The following ANXA6 variants were observed in gnomAD, a reference collection of about 807,000 sequenced individuals.
ANXA6 encodes the protein annexin A6.
A neutral mutation model predicts 95.4 loss-of-function variants in ANXA6; 71 were observed. The ratio of observed to expected loss-of-function variants is 0.74; its 90% CI spans 0.61 to 0.91. The LOEUF (loss-of-function observed/expected upper bound fraction) is 0.91. ANXA6 is among the 40% of genes least tolerant of loss of function. The pLI, the probability that ANXA6 is intolerant of heterozygous loss-of-function variation, is 0.00. For synonymous variants in ANXA6, 289 were observed against 315.9 expected, an observed-to-expected ratio of 0.91 and a Z score of 0.90; for missense variants, 830 against 876.4, an observed-to-expected ratio of 0.95 and a Z score of 0.67.
At chr5:151,113,253 T>G (rs1368119972) in intron 20 of ANXA6, among the ~76,000 whole-genome samples, 1 of 151,942 alleles carries the variant, frequency 6.6e-6, no homozygotes, top group East Asian at 1.9e-4. Flanking sequence ...ATACAAAAAA[T>G]TAGCCGGGTG....
rs372417182 is a variant in ANXA6 at position 151,122,177 on chromosome 5, G to A, written c.1317C>T (p.Tyr439=). ...ILGLMMPPAH[Y]DAKQLKKAME... is the part of the protein sequence containing the mutation. ...TGGCCTTCTTCAACTGCTTGGCATC[G>A]TAATGGGCCGGTGGCATCATGAGCC... is the stretch of plus-strand genomic sequence containing the variant. Residue 439 remains tyrosine, a synonymous_variant, in exon 17 of 26, where the codon TAC becomes TAT. Transcript: ENST00000354546. 1.6e-4 allele frequency: 254 copies of A among 1,598,600 alleles called. No homozygotes were observed. The highest frequency in any genetic ancestry group is 2.0e-4 in the Non-Finnish European group (232 of 1,174,804).
At chr5:151,101,680 G>A (rs894722997) in intron 25 of ANXA6, among the ~76,000 whole-genome samples, 173 bp from the exon 26 acceptor site, 2 of 152,144 alleles carry the variant, frequency 1.3e-5, no homozygotes, top group Admixed American at 6.5e-5. Context: ...ATGTGACCAC[G>A]TCCCTTTTGT....
chr5:151,153,829 G>A (rs532552803), intron 1 of ANXA6, among the ~76,000 whole-genome samples: 19 of 152,100 alleles, frequency 1.2e-4, no homozygotes, highest in Admixed American at 1.2e-3. Flanking sequence ...TTATAACATC[G>A]GCCTGGTGTG....
intron 23 of ANXA6, 24 bp from the exon 24 acceptor site, chr5:151,105,327 C>A (rs962435952): frequency 1.1e-5 from 17 of 1,612,514 alleles, no homozygotes; most frequent in Non-Finnish European, 1.4e-5. Context: ...CAGAGAGATG[C>A]GGGGAACGTG....
At chr5:151,156,337 A>G (rs1415683497) in intron 1 of ANXA6, among the ~76,000 whole-genome samples, 1 of 152,224 alleles carries the variant, frequency 6.6e-6, no homozygotes, top group Non-Finnish European at 1.5e-5. Flanking sequence ...GGCTTGCTCA[A>G]GAAGTCCCAG....
rs117198483 is a variant in ANXA6 at position 151,139,037 on chromosome 5, C to T, written c.205-246G>A. 28 of 594,932 alleles carry T rather than the reference C, an allele frequency of 4.7e-5. 1 individual carries two copies. The East Asian group carries it at 6.9e-4, about 15-fold the overall frequency. The allele number at this position is 594,932 out of a possible 1,614,324, so 36.9% of individuals were successfully genotyped here. A position where few individuals can be genotyped will look rare whatever the true frequency, so the allele number is the denominator to read the frequency against. ...GGGTCAGGTCCACAGCCCTGTGCCA[C>T]TTCCCCACCACTGTCTGTTTCCTCG... is the stretch of plus-strand genomic sequence containing the variant. On this transcript the variant is annotated intron_variant, in intron 4 of 25. Transcript: ENST00000354546.
chr5:151,122,264 C>A lies in ANXA6; in HGVS notation c.1234-4G>T. On this transcript the variant is annotated splice_polypyrimidine_tract_variant and splice_region_variant and intron_variant, in intron 16 of 25. Transcript: ENST00000354546. ...ACTTCAGGTCAGTCATTAAGTCCTG[C>A]AAAGGGCAGAGCCACAGTCATGCCA... The A allele has an allele frequency of 6.3e-7, 1 of 1,582,830 alleles. No homozygotes were observed. Among genetic ancestry groups the A allele is most frequent in the Non-Finnish European group, 8.6e-7 (1 of 1,158,526 alleles).
At chr5:151,122,330 T>C (rs1374884121) in intron 16 of ANXA6, 70 bp from the exon 17 acceptor site, 2 of 864,614 alleles carry the variant, frequency 2.3e-6, no homozygotes, top group Admixed American at 2.8e-5. Flanking sequence ...ATGGGAGAGA[T>C]GGAAAGAGAA....
At chr5:151,120,643 T>C (rs1019291393) in intron 17 of ANXA6, among the ~76,000 whole-genome samples, 19 of 151,722 alleles carry the variant, frequency 1.3e-4, no homozygotes, top group African/African-American at 3.9e-4. Context: ...CGCTTGAACC[T>C]GGGAGGTGGA....
At chr5:151,120,915 TC>T (rs1315853258) in intron 17 of ANXA6, among the ~76,000 whole-genome samples, 1 of 152,114 alleles carries the variant, frequency 6.6e-6, no homozygotes, top group Non-Finnish European at 1.5e-5. Flanking sequence ...AGCCCTCGTC[TC>T]CCCCTAACTC....
chr5:151,140,605 T>TATATATATATATATATATTTCTATATA (rs1561583202), intron 2 of ANXA6: 1 of 144,268 alleles, frequency 6.9e-6, no homozygotes, highest in African/African-American at 2.6e-5. Flanking sequence ...TATATATATA[T>TATATATATATATATATATTTCTATATA]TTTAAGAGAT....
chr5:151,134,377 C>A lies in ANXA6; in HGVS notation c.546+50G>T, dbSNP rs373945426. 1.9e-6 allele frequency: 3 copies of A among 1,601,434 alleles called. No homozygotes were observed. In the South Asian group the frequency reaches 3.3e-5, roughly 18 times the overall value. ...TTCCCAGGGCCCCAACCTCTCCCCT[C>A]CCAAGGCTCTTCTGCTGTGCCTCAG... On this transcript the variant is annotated intron_variant, in intron 8 of 25. Coordinates refer to ENST00000354546, the MANE Select transcript of ANXA6 (RefSeq NM_001155.5).
At chr5:151,108,419 G>A in intron 23 of ANXA6, 36 bp downstream of exon 23, 1 of 1,571,802 alleles carries the variant, frequency 6.4e-7, no homozygotes, top group Non-Finnish European at 8.8e-7. Context: ...CAAGTTCCCA[G>A]TGCCCCCAGC....
chr5:151,151,030 G>A (rs1766094951), intron 1 of ANXA6: 1 of 152,248 alleles, frequency 6.6e-6, no homozygotes, highest in South Asian at 2.1e-4. Context: ...TGGCTTCAAG[G>A]AGGGGCCTCT....
chr5:151,118,788 G>A (rs947487519), intron 18 of ANXA6, among the ~76,000 whole-genome samples: 6 of 151,860 alleles, frequency 4.0e-5, no homozygotes, highest in Admixed American at 1.3e-4. Flanking sequence ...GGCTGGTCTC[G>A]AAGTCCTGGG....
In ANXA6 at chr5:151,139,370, T is replaced by C; in HGVS notation, c.187A>G (p.Lys63Glu). 1.9e-6 allele frequency: 3 copies of C among 1,612,352 alleles called. No homozygotes were observed. Among genetic ancestry groups the C allele is most frequent in the Non-Finnish European group, 2.5e-6 (3 of 1,178,958 alleles). Residue 63 changes from lysine (K) to glutamate (E), a missense_variant, in exon 4 of 26, where the codon AAG (lysine) becomes GAG (glutamate). By Grantham distance (56) the Lys-to-Glu change is moderately conservative. Coordinates refer to ENST00000354546, the MANE Select transcript of ANXA6 (RefSeq NM_001155.5). ...GTGGTTACCTTGCCGTAGAGGGACT[T>C]GTAGCTCTGGCAGACCTCCTGCCTC... ...RQRQEVCQSY[K>E]SLYGKDLIAD...
At chr5:151,133,312 T>C (rs1582004705) in intron 8 of ANXA6, 125 bp from the exon 9 acceptor site, 1 of 648,490 alleles carries the variant, frequency 1.5e-6, no homozygotes, top group South Asian at 1.8e-5. Flanking sequence ...CTGAAGACCT[T>C]TGCAAATAAA....
At chr5:151,128,055 T>G (rs573207463) in intron 13 of ANXA6, 126 bp downstream of exon 13, 1 of 810,238 alleles carries the variant, frequency 1.2e-6, no homozygotes, top group Admixed American at 2.2e-5. Context: ...CTTTCACTTG[T>G]GCGACGCTCC....
At chr5:151,146,671 T>C (rs1765983365) in intron 2 of ANXA6, among the ~76,000 whole-genome samples, 1 of 152,214 alleles carries the variant, frequency 6.6e-6, no homozygotes, top group African/African-American at 2.4e-5. Flanking sequence ...CCCAGTCCCA[T>C]GATTTTCTTC....
Sources: gnomAD v4.1 joint callset for allele counts (sites outside exome capture counted in the v4.1 genomes callset) on GRCh38, gnomAD v4.1.1 for gene constraint, MANE v1.5 for transcripts, NCBI Gene and HGNC (gene_info 2026-07-23, HGNC 2026-07-21) for gene names.